The following IGF1R variants were observed in gnomAD, a reference collection of about 807,000 sequenced individuals.
IGF1R encodes insulin-like growth factor 1 receptor.
IGF1R carries 44 observed loss-of-function variants against 144.6 expected under a neutral mutation model. The ratio of observed to expected loss-of-function variants is 0.30; its 90% CI spans 0.24 to 0.39. The LOEUF (loss-of-function observed/expected upper bound fraction) is 0.39, where lower values mean the gene tolerates loss of function less well. IGF1R is among the 10% of genes least tolerant of loss of function. IGF1R has a pLI of 1.00. For missense variants in IGF1R, 1,355 were observed against 1,833.7 expected (o/e 0.74, Z 4.77); for synonymous variants, 795 against 722.8 (o/e 1.10, Z -1.60).
chr15:98,954,880 C>A (rs1456771881), intron 20 of IGF1R, among the ~76,000 whole-genome samples: 2 of 152,192 alleles, frequency 1.3e-5, no homozygotes, highest in Non-Finnish European at 2.9e-5. Context: ...AACCACATCC[C>A]TGTGACATCT....
chr15:98,930,349 A>G lies in IGF1R; in HGVS notation c.2956+44A>G, dbSNP rs922671721. The G allele has an allele frequency of 3.5e-6, 5 of 1,414,956 alleles. No individual in the cohort carries two copies. In the Admixed American group the frequency reaches 5.1e-5, roughly 14 times the overall value. The allele number at this position is 1,414,956 out of a possible 1,614,324, so 87.7% of individuals were successfully genotyped here. On this transcript the variant is annotated intron_variant, in intron 15 of 20. Transcript: ENST00000650285. ...AGCACTGCCAGCGTGCAGGGCAGGT[A>G]GATCGGGAGCTTTCAGGAGGGTTGC...
chr15:98,859,405 T>C (rs2012019670), intron 2 of IGF1R, among the ~76,000 whole-genome samples: 2 of 152,224 alleles, frequency 1.3e-5, no homozygotes. Flanking sequence ...TGTTTGCTTT[T>C]CCTTTGCACT....
chr15:98,798,449 G>C (rs73479718), intron 2 of IGF1R, among the ~76,000 whole-genome samples: 1 of 152,090 alleles, frequency 6.6e-6, no homozygotes, highest in East Asian at 1.9e-4. Context: ...TTTGGAGCTG[G>C]TGTGTACGTT....
At chr15:98,658,455 A>G (rs1482931152) in intron 1 of IGF1R, among the ~76,000 whole-genome samples, 2 of 152,266 alleles carry the variant, frequency 1.3e-5, no homozygotes, top group Non-Finnish European at 2.9e-5. Context: ...CAACAGAATG[A>G]AAACCTTTTC....
At chr15:98,795,142 T>C (rs376459602) in intron 2 of IGF1R, among the ~76,000 whole-genome samples, 1 of 115,142 alleles carries the variant, frequency 8.7e-6, no homozygotes, top group Non-Finnish European at 1.9e-5. Context: ...GGGAAAATAT[T>C]GACTATTGTA....
intron 2 of IGF1R, among the ~76,000 whole-genome samples, chr15:98,778,494 C>T (rs1471347131): frequency 6.6e-6 from 1 of 152,212 alleles, no homozygotes; most frequent in African/African-American, 2.4e-5. Flanking sequence ...CCAAATGGTG[C>T]AGAAACCCAG....
At chr15:98,906,713 G>C (rs1329767268) in intron 5 of IGF1R, among the ~76,000 whole-genome samples, 1 of 152,230 alleles carries the variant, frequency 6.6e-6, no homozygotes, top group Non-Finnish European at 1.5e-5. Context: ...TGCTTTTCCA[G>C]GATAGCTGTG....
intron 2 of IGF1R, among the ~76,000 whole-genome samples, chr15:98,781,238 G>A (rs565637116): frequency 2.6e-5 from 4 of 152,208 alleles, no homozygotes; most frequent in African/African-American, 9.6e-5. Context: ...AACAATTTTA[G>A]TACTTCTGCA....
chr15:98,821,568 A>T (rs1172333248), intron 2 of IGF1R, among the ~76,000 whole-genome samples: 1 of 152,210 alleles, frequency 6.6e-6, no homozygotes, highest in Non-Finnish European at 1.5e-5. Flanking sequence ...GAGGCGTTAA[A>T]TGTGCATGAT....
At chr15:98,876,275 T>G (rs1309420273) in intron 2 of IGF1R, among the ~76,000 whole-genome samples, 6 of 151,206 alleles carry the variant, frequency 4.0e-5, no homozygotes, top group African/African-American at 7.3e-5. Context: ...TGAACCCAAT[T>G]TTACCTATCA....
At chr15:98,738,750 C>T (rs2054669422) in intron 2 of IGF1R, among the ~76,000 whole-genome samples, 1 of 152,166 alleles carries the variant, frequency 6.6e-6, no homozygotes, top group African/African-American at 2.4e-5. Context: ...GCCCAGCATT[C>T]TCTTGACTAT....
chr15:98,926,114 A>G (rs955262493), intron 13 of IGF1R, among the ~76,000 whole-genome samples: 1 of 152,234 alleles, frequency 6.6e-6, no homozygotes, highest in East Asian at 1.9e-4. Flanking sequence ...TGGTACATAT[A>G]CATTATAGAA....
intron 2 of IGF1R, among the ~76,000 whole-genome samples, chr15:98,803,844 T>G (rs1456055833): frequency 6.6e-6 from 1 of 152,180 alleles, no homozygotes; most frequent in Non-Finnish European, 1.5e-5. Context: ...TGTACACTCT[T>G]AAATAACTAT....
chr15:98,822,746 T>A (rs1243089871), intron 2 of IGF1R, among the ~76,000 whole-genome samples: 1 of 152,224 alleles, frequency 6.6e-6, no homozygotes, highest in Non-Finnish European at 1.5e-5. Flanking sequence ...CAGAATAAAC[T>A]TTTATTTTCT....
chr15:98,724,725 G>T (rs2054319529), intron 2 of IGF1R, among the ~76,000 whole-genome samples: 1 of 152,198 alleles, frequency 6.6e-6, no homozygotes, highest in South Asian at 2.1e-4. Context: ...GATTTTCCTT[G>T]CAGTCACTGA....
At chr15:98,909,776 T>C (rs1381172367) in intron 6 of IGF1R, among the ~76,000 whole-genome samples, 1 of 152,232 alleles carries the variant, frequency 6.6e-6, no homozygotes, top group African/African-American at 2.4e-5. Context: ...GAGTTGATAT[T>C]GCTTTTTAAA....
At chr15:98,831,235 A>G (rs902876528) in intron 2 of IGF1R, among the ~76,000 whole-genome samples, 1 of 152,172 alleles carries the variant, frequency 6.6e-6, no homozygotes, top group Non-Finnish European at 1.5e-5. Flanking sequence ...TTTTCCATTT[A>G]TTTCACCCAC....
chr15:98,650,546 G>A (rs1181557280), intron 1 of IGF1R, among the ~76,000 whole-genome samples: 2 of 152,364 alleles, frequency 1.3e-5, no homozygotes, highest in Non-Finnish European at 2.9e-5. Flanking sequence ...GGCCGCATCC[G>A]AGTGTGCGTT....
intron 2 of IGF1R, among the ~76,000 whole-genome samples, chr15:98,792,882 G>A (rs1225870406): frequency 6.6e-6 from 1 of 152,230 alleles, no homozygotes; most frequent in Non-Finnish European, 1.5e-5. Flanking sequence ...ACAGATGTAA[G>A]TTTAACAGGC....
Sources: allele counts gnomAD v4.1 joint callset (sites outside exome capture counted in the v4.1 genomes callset), GRCh38; gene constraint gnomAD v4.1.1; transcripts MANE v1.5; gene names NCBI Gene and HGNC (gene_info 2026-07-23, HGNC 2026-07-21).